The following SMIM14 variants were observed in gnomAD, a reference collection of about 807,000 sequenced individuals.
The protein encoded by SMIM14 is small integral membrane protein 14, also known as chromosome 4 open reading frame 34.
Under a neutral mutation model 12.6 loss-of-function variants are expected in SMIM14, and 5 were observed. The ratio of observed to expected loss-of-function variants is 0.40; its 90% CI spans 0.21 to 0.83. The LOEUF (loss-of-function observed/expected upper bound fraction) is 0.83, where lower values mean the gene tolerates loss of function less well. SMIM14 is among the 40% of genes least tolerant of loss of function. The pLI is 0.37. For synonymous variants in SMIM14, 30 were observed against 40.1 expected (o/e 0.75, Z 0.95); for missense variants, 86 against 119.1 (o/e 0.72, Z 1.29).
intron 1 of SMIM14, among the ~76,000 whole-genome samples, chr4:39,615,127 G>T (rs149319793): frequency 0.012 from 1,835 of 152,204 alleles, 19 homozygotes; most frequent in Non-Finnish European, 0.018. Context: ...TAGAGACAGG[G>T]TCTTGCTGTG....
At chr4:39,584,497 A>AAAAAAAAAAAAAAAAAAAAAAAAAAAC (rs1244222041) in intron 2 of SMIM14, among the ~76,000 whole-genome samples, 1 of 141,588 alleles carries the variant, frequency 7.1e-6, no homozygotes, top group Non-Finnish European at 1.6e-5. Context: ...AAAAAAAAAA[A>AAAAAAAAAAAAAAAAAAAAAAAAAAAC]AAAAAAAAGA....
At position 39,550,243 on chromosome 4, in the gene SMIM14, G is replaced by GA. The variant is rs1189453983; in HGVS notation, c.*1882dup. 1 of 152,000 alleles carries GA rather than the reference G, an allele frequency of 6.6e-6. No homozygotes were observed. The highest frequency in any genetic ancestry group is 2.4e-5 in the African/African-American group (1 of 41,398). The allele number at this position is 152,000 out of a possible 1,614,324, so 9.4% of individuals were successfully genotyped here. A position where few individuals can be genotyped will look rare whatever the true frequency, so the allele number is the denominator to read the frequency against. ...TAAATAATCTGCAATCATTTGCTAGGAAAAAAACTTCATAACCATATGGGT... is the reference window on the plus strand; with the variant it reads ...TAAATAATCTGCAATCATTTGCTAGGAAAAAAAACTTCATAACCATATGGGT... On this transcript the variant is annotated 3_prime_UTR_variant, in exon 5 of 5. Transcript: ENST00000295958.
chr4:39,576,684 ATTTTTTTTTT>A lies in SMIM14; in HGVS notation c.76-4231_76-4222del, dbSNP rs574142564. Among the ~76,000 whole-genome samples the A allele has an allele frequency of 6.8e-3, 172 of 25,364 alleles. 1 individual carries two copies. The highest frequency in any genetic ancestry group is 0.012 in the African/African-American group (77 of 6,396). The allele number at this position is 25,364 out of a possible 152,430, so 16.6% of individuals were successfully genotyped here. A position where few individuals can be genotyped will look rare whatever the true frequency, so the allele number is the denominator to read the frequency against. On this transcript the variant is annotated intron_variant, in intron 2 of 4. Transcript: ENST00000295958. ...TGTATATATATATATATATATATAT[ATTTTTTTTTT>A]TTTTTTTTTTTTTTTTTTTTTTTTT...
intron 1 of SMIM14, chr4:39,638,272 T>G: frequency 5.8e-6 from 1 of 171,412 alleles, no homozygotes; most frequent in Non-Finnish European, 1.2e-5. Flanking sequence ...GGTGTCAGCT[T>G]TCTCGTCTCA....
At chr4:39,583,539 A>T (rs988398445) in intron 2 of SMIM14, among the ~76,000 whole-genome samples, 1 of 152,100 alleles carries the variant, frequency 6.6e-6, no homozygotes, top group African/African-American at 2.4e-5. Context: ...ATGGAAAATA[A>T]AACATAAAGC....
intron 1 of SMIM14, among the ~76,000 whole-genome samples, chr4:39,607,261 T>C (rs1308726315): frequency 3.3e-5 from 5 of 152,242 alleles, no homozygotes; most frequent in Non-Finnish European, 7.3e-5. Flanking sequence ...TAAATGTGCA[T>C]AGTTTATTGT....
intron 1 of SMIM14, among the ~76,000 whole-genome samples, chr4:39,616,481 T>C (rs1159819858): frequency 2.0e-5 from 3 of 152,046 alleles, no homozygotes; most frequent in Admixed American, 2.0e-4. Context: ...TCAGACTCCA[T>C]TGTGCTAACA....
rs148031030 is a variant in SMIM14 at position 39,590,834 on chromosome 4, C to T, written c.75+14237G>A. Among the ~76,000 whole-genome samples the T allele has an allele frequency of 3.0e-3, 456 of 151,652 alleles. 1 individual carries two copies. Among genetic ancestry groups the T allele is most frequent in the African/African-American group, 5.7e-3 (236 of 41,402 alleles). On this transcript the variant is annotated intron_variant, in intron 2 of 4. Coordinates refer to ENST00000295958, the MANE Select transcript of SMIM14 (RefSeq NM_174921.3). ...AAAAAAAAAAATTCCATAGTTATCA[C>T]GGGGCATATTCCTATATTAAATAAC...
chr4:39,572,168 A>G (rs1403998945), intron 3 of SMIM14, among the ~76,000 whole-genome samples: 1 of 152,090 alleles, frequency 6.6e-6, no homozygotes, highest in Admixed American at 6.6e-5. Flanking sequence ...GGCATGAAAA[A>G]AATTTTAAGT....
chr4:39,617,649 C>T (rs1468159872), intron 1 of SMIM14, among the ~76,000 whole-genome samples: 4 of 152,106 alleles, frequency 2.6e-5, no homozygotes, highest in African/African-American at 9.7e-5. Context: ...TGTAAACAGG[C>T]CCTATCATGG....
chr4:39,603,173 A>T (rs532329452), intron 2 of SMIM14, among the ~76,000 whole-genome samples: 148 of 152,336 alleles, frequency 9.7e-4, no homozygotes, highest in African/African-American at 3.4e-3. Context: ...AGCATTTCGG[A>T]TAAGGGATAC....
At chr4:39,610,604 G>A (rs1578355451) in intron 1 of SMIM14, among the ~76,000 whole-genome samples, 1 of 150,606 alleles carries the variant, frequency 6.6e-6, no homozygotes, top group East Asian at 1.9e-4. Context: ...CTGAAGTAGG[G>A]GGATCGCTTG....
chr4:39,587,554 A>C (rs942220812), intron 2 of SMIM14, among the ~76,000 whole-genome samples: 14 of 151,738 alleles, frequency 9.2e-5, no homozygotes, highest in African/African-American at 3.1e-4. Flanking sequence ...ACTTTCCAAA[A>C]ACAGCCACAG....
chr4:39,555,350 G>A (rs1711956754), intron 4 of SMIM14, among the ~76,000 whole-genome samples: 1 of 151,204 alleles, frequency 6.6e-6, no homozygotes, highest in Non-Finnish European at 1.5e-5. Context: ...CTCATGCCTC[G>A]GCCTCCTGAG....
At chr4:39,576,757 C>CGTGCA (rs1713221703) in intron 2 of SMIM14, among the ~76,000 whole-genome samples, 1 of 118,716 alleles carries the variant, frequency 8.4e-6, no homozygotes, top group Non-Finnish European at 1.6e-5. Flanking sequence ...CCTAGGCTGG[C>CGTGCA]GTGCAGTGCA....
intron 1 of SMIM14, among the ~76,000 whole-genome samples, chr4:39,632,969 T>C (rs923229769): frequency 6.6e-6 from 1 of 152,166 alleles, no homozygotes; most frequent in Non-Finnish European, 1.5e-5. Flanking sequence ...ATATATGCTA[T>C]ATATACTTGT....
intron 1 of SMIM14, among the ~76,000 whole-genome samples, chr4:39,613,688 G>A (rs944620392): frequency 1.3e-5 from 2 of 152,180 alleles, no homozygotes; most frequent in African/African-American, 4.8e-5. Flanking sequence ...GTCTTTGATA[G>A]AAAGTAATTT....
At chr4:39,593,376 A>G (rs1714204309) in intron 2 of SMIM14, 1 of 152,204 alleles carries the variant, frequency 6.6e-6, no homozygotes, top group Non-Finnish European at 1.5e-5. Flanking sequence ...AAAACTTTCA[A>G]TAAATTAGGT....
chr4:39,608,498 A>T (rs1714898701), intron 1 of SMIM14, among the ~76,000 whole-genome samples: 1 of 152,254 alleles, frequency 6.6e-6, no homozygotes, highest in African/African-American at 2.4e-5. Flanking sequence ...ATGTTACAAC[A>T]TGAATGAACT....
Sources: gnomAD v4.1 joint callset for allele counts (sites outside exome capture counted in the v4.1 genomes callset) on GRCh38, gnomAD v4.1.1 for gene constraint, MANE v1.5 for transcripts, NCBI Gene and HGNC (gene_info 2026-07-23, HGNC 2026-07-21) for gene names.